Variants in RANBP17 observed in about 807,000 individuals in gnomAD.
RANBP17 encodes ran-binding protein 17.
A neutral mutation model predicts 141.2 loss-of-function variants in RANBP17; 158 were observed. That is an observed-to-expected ratio of 1.12 (90% CI 0.98 to 1.28). The LOEUF is 1.28. RANBP17 is among the 50% of genes most tolerant of loss of function. The pLI is 0.00. For missense variants in RANBP17, 1,438 were observed against 1,290.7 expected (o/e 1.11, Z -1.75); for synonymous variants, 430 against 450.0 (o/e 0.96, Z 0.56).
chr5:171,103,358 A>T (rs556592736), intron 14 of RANBP17, among the ~76,000 whole-genome samples: 36 of 152,296 alleles, frequency 2.4e-4, no homozygotes, highest in African/African-American at 8.7e-4. Flanking sequence ...GCTGCAGTGG[A>T]TTCCACCCAG....
intron 22 of RANBP17, among the ~76,000 whole-genome samples, chr5:171,233,796 A>G (rs1764356445): frequency 6.6e-6 from 1 of 152,240 alleles, no homozygotes; most frequent in Non-Finnish European, 1.5e-5. Context: ...ACTCTGTGTG[A>G]TACTATAATG....
intron 7 of RANBP17, among the ~76,000 whole-genome samples, chr5:170,913,248 TCAA>T (rs2127425638): frequency 6.6e-6 from 1 of 152,138 alleles, no homozygotes; most frequent in East Asian, 1.9e-4. Context: ...AATGGGCACT[TCAA>T]CACAAGATGA....
At chr5:171,219,874 C>A (rs1190079042) in intron 21 of RANBP17, among the ~76,000 whole-genome samples, 1 of 151,992 alleles carries the variant, frequency 6.6e-6, no homozygotes. Flanking sequence ...TATTACCCAC[C>A]TTCTGAAGCC....
intron 22 of RANBP17, among the ~76,000 whole-genome samples, chr5:171,239,496 G>C (rs2127995089): frequency 6.6e-6 from 1 of 152,248 alleles, no homozygotes; most frequent in South Asian, 2.1e-4. Flanking sequence ...TTAGAAATTA[G>C]ACCTTATACA....
intron 14 of RANBP17, among the ~76,000 whole-genome samples, chr5:170,990,379 T>G (rs1202013009): frequency 6.6e-6 from 1 of 151,870 alleles, no homozygotes. Flanking sequence ...CAGATAAATA[T>G]AAACTTTAGT....
chr5:171,124,136 C>T (rs1245255163), intron 14 of RANBP17, among the ~76,000 whole-genome samples: 5 of 151,878 alleles, frequency 3.3e-5, no homozygotes. Context: ...AATTCATGAT[C>T]TCAATGAGAA....
At chr5:170,982,806 A>T (rs1777864769) in intron 14 of RANBP17, among the ~76,000 whole-genome samples, 1 of 152,186 alleles carries the variant, frequency 6.6e-6, no homozygotes, top group South Asian at 2.1e-4. Context: ...CAGCATCAGG[A>T]TTGGAAAAAG....
At chr5:170,980,888 G>T (rs1176719231) in intron 14 of RANBP17, among the ~76,000 whole-genome samples, 2 of 152,178 alleles carry the variant, frequency 1.3e-5, no homozygotes, top group African/African-American at 2.4e-5. Flanking sequence ...CTGACAGCTT[G>T]CACTGTTCAC....
At chr5:170,907,820 T>G (rs1771192840) in intron 5 of RANBP17, among the ~76,000 whole-genome samples, 1 of 151,934 alleles carries the variant, frequency 6.6e-6, no homozygotes, top group Non-Finnish European at 1.5e-5. Flanking sequence ...GAGGAAAGTG[T>G]TGAGATTTGA....
chr5:170,961,411 T>A (rs527928029), intron 13 of RANBP17, among the ~76,000 whole-genome samples: 68 of 152,360 alleles, frequency 4.5e-4, no homozygotes, highest in African/African-American at 1.6e-3. Flanking sequence ...ATTATTTATC[T>A]TTTTATTCTG....
chr5:171,159,317 A>G (rs564203739), intron 14 of RANBP17, among the ~76,000 whole-genome samples: 39 of 152,266 alleles, frequency 2.6e-4, no homozygotes, highest in African/African-American at 8.4e-4. Context: ...TCTCCATACT[A>G]GCTGTTTTAC....
chr5:171,047,563 C>A (rs1782677480), intron 14 of RANBP17, among the ~76,000 whole-genome samples: 1 of 151,560 alleles, frequency 6.6e-6, no homozygotes, highest in Non-Finnish European at 1.5e-5. Context: ...GCCTCAGCCT[C>A]CTGAGTAGCT....
At chr5:170,870,127 AT>A (rs1767597120) in intron 1 of RANBP17, among the ~76,000 whole-genome samples, 1 of 152,146 alleles carries the variant, frequency 6.6e-6, no homozygotes, top group South Asian at 2.1e-4. Flanking sequence ...AGTCCTCCAA[AT>A]TTATTAGATG....
At chr5:170,966,238 CA>C (rs895055025) in intron 13 of RANBP17, among the ~76,000 whole-genome samples, 5 of 151,710 alleles carry the variant, frequency 3.3e-5, no homozygotes, top group South Asian at 2.1e-4. Context: ...GAGACACAAC[CA>C]AAAAAGAGAA....
intron 14 of RANBP17, among the ~76,000 whole-genome samples, chr5:171,052,060 C>G (rs1417101573): frequency 6.6e-6 from 1 of 152,116 alleles, no homozygotes; most frequent in East Asian, 1.9e-4. Context: ...GAAGGAGGAT[C>G]TGGATTTTTA....
At chr5:170,961,535 AT>A (rs1776148476) in intron 13 of RANBP17, among the ~76,000 whole-genome samples, 1 of 152,208 alleles carries the variant, frequency 6.6e-6, no homozygotes, top group South Asian at 2.1e-4. Context: ...AAAATCTGAA[AT>A]TTGAAATGCT....
chr5:170,995,365 C>T (rs1237000545), intron 14 of RANBP17, among the ~76,000 whole-genome samples: 1 of 152,026 alleles, frequency 6.6e-6, no homozygotes, highest in Non-Finnish European at 1.5e-5. Context: ...GTAAATTGTT[C>T]TCCAATTTAT....
intron 14 of RANBP17, among the ~76,000 whole-genome samples, chr5:171,080,987 G>A (rs1785230454): frequency 6.6e-6 from 1 of 152,092 alleles, no homozygotes; most frequent in South Asian, 2.1e-4. Flanking sequence ...AACCTCCTTT[G>A]TACTGGGCAT....
intron 1 of RANBP17, among the ~76,000 whole-genome samples, chr5:170,864,289 A>C (rs1767059194): frequency 1.3e-5 from 2 of 152,206 alleles, no homozygotes; most frequent in South Asian, 4.1e-4. Flanking sequence ...GTAAAGAAGC[A>C]GATTTGTGTA....
Sources: gnomAD v4.1 joint callset for allele counts (sites outside exome capture counted in the v4.1 genomes callset) on GRCh38, gnomAD v4.1.1 for gene constraint, MANE v1.5 for transcripts, NCBI Gene and HGNC (gene_info 2026-07-23, HGNC 2026-07-21) for gene names.